Variants in ANKRD44 observed in about 807,000 individuals in gnomAD.
ANKRD44 encodes ankyrin repeat domain 44.
In ANKRD44, 35 loss-of-function variants were observed where a neutral mutation model predicts 116.0. That is an observed-to-expected ratio of 0.30 (90% confidence interval 0.23 to 0.40). The LOEUF (loss-of-function observed/expected upper bound fraction) is 0.40. Ranked by LOEUF, ANKRD44 falls within the 10% of genes least tolerant of loss-of-function variation. The pLI, the probability that ANKRD44 is intolerant of heterozygous loss-of-function variation, is 1.00. For synonymous variants in ANKRD44, 435 were observed against 461.8 expected (o/e 0.94, Z 0.74); for missense variants, 1,014 against 1,242.6 (o/e 0.82, Z 2.77).
intron 1 of ANKRD44, among the ~76,000 whole-genome samples, chr2:197,278,795 G>A (rs1007774016): frequency 6.6e-6 from 1 of 152,148 alleles, no homozygotes; most frequent in Non-Finnish European, 1.5e-5. Context: ...CACGTAGGTC[G>A]CCAGCAAGCA....
chr2:197,001,897 A>G, intron 21 of ANKRD44, 57 bp from the exon 22 acceptor site: 1 of 1,343,068 alleles, frequency 7.4e-7, no homozygotes, highest in Non-Finnish European at 1.1e-6. Flanking sequence ...TGTTCAACCC[A>G]ATCTGCTTTT....
chr2:197,201,089 T>G lies in ANKRD44; in HGVS notation c.28-13983A>C, dbSNP rs1280277004. 1.3e-5 allele frequency among the ~76,000 whole-genome samples: 2 copies of G among 152,142 alleles called. No homozygotes were observed. The highest frequency in any genetic ancestry group is 2.4e-5 in the African/African-American group (1 of 41,412). ...TGCTTTTAGTCTCAAAGACTAGAGA[T>G]TAAAAAGGCATGGGTAATTTTTAAC... On this transcript the variant is annotated intron_variant, in intron 1 of 27. Coordinates refer to ENST00000282272, the MANE Select transcript of ANKRD44 (RefSeq NM_001195144.2). The surrounding 1 kb of genome is among the most constrained non-coding windows in gnomAD (Gnocchi z 4.0).
At chr2:197,072,448 A>C (rs980035258) in intron 16 of ANKRD44, among the ~76,000 whole-genome samples, 5 of 152,354 alleles carry the variant, frequency 3.3e-5, no homozygotes, top group African/African-American at 7.2e-5. Context: ...ATTGGAAAGT[A>C]ATCAAATCTA....
intron 16 of ANKRD44, among the ~76,000 whole-genome samples, chr2:197,059,331 CA>C (rs2077264812): frequency 6.6e-6 from 1 of 152,148 alleles, no homozygotes; most frequent in Non-Finnish European, 1.5e-5. Flanking sequence ...AAAAGCTGTA[CA>C]AATCAACATA....
At chr2:197,156,190 C>A (rs1045304838) in intron 2 of ANKRD44, among the ~76,000 whole-genome samples, 1 of 151,942 alleles carries the variant, frequency 6.6e-6, no homozygotes, top group South Asian at 2.1e-4. Context: ...ACCAAAAATA[C>A]AAAAAATTAG....
At chr2:196,967,290 C>A (rs536146879) in exon 22 of ANKRD44, 33 of 328,536 alleles carry the variant, frequency 1.0e-4, no homozygotes, top group African/African-American at 7.1e-4. Context: ...CAAGGCGAAT[C>A]CGGTTACTCC....
At chr2:197,086,989 T>C (rs941833233) in intron 12 of ANKRD44, among the ~76,000 whole-genome samples, 4 of 152,228 alleles carry the variant, frequency 2.6e-5, no homozygotes, top group Non-Finnish European at 5.9e-5. Flanking sequence ...ATATTTTTAA[T>C]TCCATGACTA....
At chr2:197,136,728 A>T in intron 3 of ANKRD44, 66 bp from the exon 4 acceptor site, 1 of 1,369,496 alleles carries the variant, frequency 7.3e-7, no homozygotes, top group Non-Finnish European at 1.0e-6. Context: ...ACGTTAAATC[A>T]AATGCTGTAT....
Position 197,254,686 on chromosome 2 carries a change from A to G in ANKRD44, c.27+55892T>C, listed in dbSNP as rs1574371840. Among the ~76,000 whole-genome samples the G allele has an allele frequency of 1.3e-5, 2 of 151,384 alleles. 1 individual carries two copies. The highest frequency in any genetic ancestry group is 4.2e-4 in the South Asian group (2 of 4,772). ...TGTTTCCTCTAAAAGTAGGGGGGAA[A>G]TTGATACTGTAGGAGTATGTTCCAC... is the stretch of plus-strand genomic sequence containing the variant. On this transcript the variant is annotated intron_variant, in intron 1 of 27. Transcript: ENST00000282272.
At chr2:197,250,138 A>C (rs1252598371) in intron 1 of ANKRD44, among the ~76,000 whole-genome samples, 1 of 152,214 alleles carries the variant, frequency 6.6e-6, no homozygotes, top group East Asian at 1.9e-4. Context: ...CAGGTAGTTC[A>C]GTGGCTTGGT....
chr2:197,291,877 A>G (rs1574459533), intron 1 of ANKRD44, among the ~76,000 whole-genome samples: 1 of 152,200 alleles, frequency 6.6e-6, no homozygotes, highest in South Asian at 2.1e-4. Flanking sequence ...TCTGTGTCCA[A>G]GTGATCTCAT....
intron 1 of ANKRD44, among the ~76,000 whole-genome samples, chr2:197,294,303 G>A (rs2083654146): frequency 6.6e-6 from 1 of 152,052 alleles, no homozygotes; most frequent in South Asian, 2.1e-4. Context: ...CAGTCAACAC[G>A]TGTCATCTTT....
intron 21 of ANKRD44, among the ~76,000 whole-genome samples, chr2:196,980,938 A>G (rs546702661): frequency 6.6e-6 from 1 of 152,342 alleles, no homozygotes; most frequent in East Asian, 1.9e-4. Context: ...TTTTGCTTCA[A>G]TTCTATGATA....
intron 2 of ANKRD44, among the ~76,000 whole-genome samples, chr2:197,156,591 G>A (rs191026728): frequency 7.2e-5 from 11 of 152,262 alleles, no homozygotes; most frequent in Admixed American, 2.0e-4. Flanking sequence ...GCTAGGTATC[G>A]TACCCTTGGG....
intron 19 of ANKRD44, among the ~76,000 whole-genome samples, 167 bp from the exon 20 acceptor site, chr2:197,008,090 T>A (rs1482764790): frequency 1.3e-5 from 2 of 152,204 alleles, no homozygotes; most frequent in Non-Finnish European, 2.9e-5. Context: ...CAGAACAAGC[T>A]ATCTGCCTCT....
At chr2:197,174,926 A>T (rs184920561) in intron 2 of ANKRD44, among the ~76,000 whole-genome samples, 1 of 152,236 alleles carries the variant, frequency 6.6e-6, no homozygotes, top group African/African-American at 2.4e-5. Context: ...AAAAACATGA[A>T]TGACACAAGG....
At chr2:197,112,138 C>A (rs2078583233) in intron 8 of ANKRD44, among the ~76,000 whole-genome samples, 1 of 152,012 alleles carries the variant, frequency 6.6e-6, no homozygotes, top group South Asian at 2.1e-4. Flanking sequence ...AAAGTATCCC[C>A]AATAGAGAGA....
At chr2:197,192,153 A>G (rs903184031) in intron 1 of ANKRD44, among the ~76,000 whole-genome samples, 2 of 152,190 alleles carry the variant, frequency 1.3e-5, no homozygotes, top group Non-Finnish European at 2.9e-5. Flanking sequence ...ACCACTGTAT[A>G]GTATATTTCA....
intron 8 of ANKRD44, among the ~76,000 whole-genome samples, chr2:197,112,231 G>C (rs1207775954): frequency 6.6e-6 from 1 of 152,126 alleles, no homozygotes; most frequent in African/African-American, 2.4e-5. Context: ...ATTTCTCTAA[G>C]TCTGAGATTA....
Sources: allele counts gnomAD v4.1 joint callset (sites outside exome capture counted in the v4.1 genomes callset), GRCh38; gene constraint gnomAD v4.1.1; non-coding constraint Gnocchi (gnomAD v3.1); transcripts MANE v1.5; gene names NCBI Gene and HGNC (gene_info 2026-07-23, HGNC 2026-07-21).